The following SLC5A10 variants were observed in gnomAD, a reference collection of about 807,000 sequenced individuals.
SLC5A10 encodes sodium/mannose cotransporter SLC5A10.
SLC5A10 carries 55 observed loss-of-function variants against 68.9 expected under a neutral mutation model. That is an observed-to-expected ratio of 0.80 (90% confidence interval 0.64 to 1.00). SLC5A10 has a LOEUF of 1.00. Ranked by LOEUF, SLC5A10 falls within the 50% of genes least tolerant of loss-of-function variation. The probability of loss-of-function intolerance (pLI) is 0.00; values close to 1 mark genes in which losing one functional copy is unlikely to be tolerated. For missense variants in SLC5A10, 732 were observed against 819.3 expected (o/e 0.89, Z 1.30); for synonymous variants, 344 against 344.8 (o/e 1.00, Z 0.02).
Position 18,959,168 on chromosome 17 carries a change from T to C in SLC5A10, c.217T>C (p.Ser73Pro), listed in dbSNP as rs1311499404. Residue 73 changes from serine to proline, a missense_variant, in exon 3 of 15, where the codon TCT becomes CCT. Coordinates refer to ENST00000395645, the MANE Select transcript of SLC5A10 (RefSeq NM_001042450.4). ...GASLFASSEGSGLFIGLAGSG... is the reference protein window; with the variant it reads ...GASLFASSEGPGLFIGLAGSG... ...CTCCCTCTTCGCCAGCAGCGAGGGC[T>C]CTGGCCTCTTCATTGGACTGGCGGG... 1 of 1,613,886 alleles carries C rather than the reference T, an allele frequency of 6.2e-7. No homozygotes were observed. The highest frequency in any genetic ancestry group is 2.2e-5 in the East Asian group (1 of 44,880).
intron 5 of SLC5A10, among the ~76,000 whole-genome samples, chr17:18,964,030 C>CTCTGCCTGGAACCT (rs1434900167): frequency 3.3e-5 from 5 of 152,218 alleles, no homozygotes; most frequent in African/African-American, 7.2e-5. Context: ...TTGCTGTGGC[C>CTCTGCCTGGAACCT]TCTGCCTGGA....
upstream of SLC5A10, chr17:18,951,924 C>T (rs2042374736): frequency 4.6e-6 from 2 of 430,822 alleles, no homozygotes; most frequent in Non-Finnish European, 8.3e-6. Context: ...TTCATTTTCC[C>T]CAAGCCCCCT....
intron 9 of SLC5A10, among the ~76,000 whole-genome samples, chr17:18,988,825 C>A (rs752994877): frequency 3.3e-5 from 5 of 152,236 alleles, no homozygotes; most frequent in Non-Finnish European, 5.9e-5. Flanking sequence ...CAGATCTCTT[C>A]CTGTCAGCTG....
intron 9 of SLC5A10, chr17:18,988,334 C>T: frequency 6.2e-7 from 1 of 1,614,218 alleles, no homozygotes; most frequent in Non-Finnish European, 8.5e-7. Context: ...TGTACACGGC[C>T]ACTTTCCTCT....
At chr17:18,980,636 T>C (rs955476645) in intron 9 of SLC5A10, among the ~76,000 whole-genome samples, 2 of 151,872 alleles carry the variant, frequency 1.3e-5, no homozygotes, top group African/African-American at 4.8e-5. Flanking sequence ...GAGGAGCAGA[T>C]GGTAAAGGCT....
At chr17:18,973,884 GTTTTTTTTTTTTT>G (rs35778801) in intron 8 of SLC5A10, among the ~76,000 whole-genome samples, 1 of 95,740 alleles carries the variant, frequency 1.0e-5, no homozygotes, top group Non-Finnish European at 2.0e-5. Context: ...TTTTTTTTAA[GTTTTTTTTTTTTT>G]TTTTTTTTTC....
Position 19,004,115 on chromosome 17 carries a change from G to A in SLC5A10, c.983-9295G>A. 6 of 1,441,230 alleles carry A rather than the reference G, an allele frequency of 4.2e-6. No individual in the cohort carries two copies. The highest frequency in any genetic ancestry group is 5.6e-6 in the Non-Finnish European group (6 of 1,071,352). The allele number at this position is 1,441,230 out of a possible 1,614,324, so 89.3% of individuals were successfully genotyped here. ...AGCTCCTAGCTCCGGCCCAGCTGGG[G>A]CACCGCGCGCTCGGGGGCCTCTCCG... is the stretch of plus-strand genomic sequence containing the variant. On this transcript the variant is annotated intron_variant, in intron 9 of 14. Transcript: ENST00000395645. This position sits in a 1 kb window ranked among gnomAD's most constrained non-coding sequence, Gnocchi z 5.4.
chr17:18,988,081 T>A (rs551995022), intron 9 of SLC5A10, among the ~76,000 whole-genome samples: 12 of 152,356 alleles, frequency 7.9e-5, no homozygotes, highest in African/African-American at 2.9e-4. Context: ...CCTCAGGGAA[T>A]TCAAGCAGTG....
Position 19,020,418 on chromosome 17 carries a change from C to A in SLC5A10, c.1778C>A (p.Ala593Asp), listed in dbSNP as rs760427665. 6.2e-7 allele frequency: 1 copy of A among 1,613,732 alleles called. No individual in the cohort carries two copies. The highest frequency in any genetic ancestry group is 1.7e-5 in the Admixed American group (1 of 60,014). Residue 593 changes from alanine (A) to aspartate (D), a missense_variant, in exon 15 of 15, where the codon GCC becomes GAC. By Grantham distance (126) the Ala-to-Asp change is moderately radical. Transcript: ENST00000395645. ...LLMCVNIFFY[A>D]YFA ...ATGTGTGTCAACATATTCTTTTATG[C>A]CTACTTCGCCTGACACTGCCATCCT...
In SLC5A10 at chr17:18,959,219, G is replaced by A. The variant is rs868185880; in HGVS notation, c.268G>A (p.Val90Met). 53 of 1,613,118 alleles carry A rather than the reference G, an allele frequency of 3.3e-5. No individual in the cohort carries two copies. Among genetic ancestry groups the A allele is most frequent in the Admixed American group, 6.7e-5 (4 of 60,008 alleles). The change falls in exon 3 of 15, where the codon GTG (valine) becomes ATG (methionine). Residue 90 changes from valine (V) to methionine (M), a missense_variant. Transcript: ENST00000395645. ...AGSGAAGGLA[V>M]AGFEWNATYV... ...CTCAGGCGCGGCAGGAGGTCTGGCC[G>A]TGGCAGGCTTCGAGTGGAATGTGAG...
At chr17:18,972,602 C>T (rs945542408) in intron 8 of SLC5A10, among the ~76,000 whole-genome samples, 3 of 152,200 alleles carry the variant, frequency 2.0e-5, no homozygotes, top group Non-Finnish European at 2.9e-5. Flanking sequence ...GTGGCTCAAG[C>T]CTGTAATCCC....
chr17:18,966,107 G>C (rs2042703926), intron 5 of SLC5A10, among the ~76,000 whole-genome samples: 2 of 152,204 alleles, frequency 1.3e-5, no homozygotes, highest in Admixed American at 1.3e-4. Flanking sequence ...GCACTGGCAG[G>C]GTTTCTGGGT....
chr17:19,019,599 T>A lies in SLC5A10; in HGVS notation c.1410+8T>A. The A allele has an allele frequency of 6.2e-7, 1 of 1,610,290 alleles. No homozygotes were observed. Among genetic ancestry groups the A allele is most frequent in the Non-Finnish European group, 8.5e-7 (1 of 1,179,628 alleles). ...CGACGTGCCAACGAGCAGGTGGGCGTCGGCGGTCTGCTCTCCCTGGGGACG... is the reference window on the plus strand; with the variant it reads ...CGACGTGCCAACGAGCAGGTGGGCGACGGCGGTCTGCTCTCCCTGGGGACG... On this transcript the variant is annotated splice_region_variant and intron_variant, in intron 12 of 14. Transcript: ENST00000395645.
In SLC5A10 at chr17:18,959,259, C is replaced by T. The variant is rs1411287506; in HGVS notation, c.288+20C>T. On this transcript the variant is annotated intron_variant, in intron 3 of 14. Coordinates refer to ENST00000395645, the MANE Select transcript of SLC5A10 (RefSeq NM_001042450.4). Reference sequence around the variant, plus strand: ...TGGAATGTGAGTCCTGGAGGACTGGCGGCCTGTGGGAGGGCCAGGGCACAG... The same window carrying T: ...TGGAATGTGAGTCCTGGAGGACTGGTGGCCTGTGGGAGGGCCAGGGCACAG... 1.9e-6 allele frequency: 3 copies of T among 1,610,172 alleles called. No individual in the cohort carries two copies. Among genetic ancestry groups the T allele is most frequent in the Admixed American group, 1.7e-5 (1 of 59,962 alleles).
chr17:18,964,205 C>T (rs986140584), intron 5 of SLC5A10, among the ~76,000 whole-genome samples: 8 of 152,164 alleles, frequency 5.3e-5, no homozygotes, highest in Admixed American at 2.0e-4. Flanking sequence ...GCTCACTGGC[C>T]GCATCCCCAG....
At chr17:19,014,697 G>C (rs989170154) in intron 10 of SLC5A10, among the ~76,000 whole-genome samples, 1 of 152,142 alleles carries the variant, frequency 6.6e-6, no homozygotes, top group African/African-American at 2.4e-5. Context: ...TGCTTTCCTC[G>C]GACGAAGGCA....
intron 9 of SLC5A10, chr17:18,979,244 G>A (rs1446236572): frequency 2.1e-6 from 1 of 479,236 alleles, no homozygotes; most frequent in African/African-American, 1.9e-5. Context: ...GGTGCCCACA[G>A]AGCTGGCCCC....
intron 8 of SLC5A10, among the ~76,000 whole-genome samples, chr17:18,973,065 C>T (rs1244857108): frequency 1.3e-5 from 2 of 152,302 alleles, no homozygotes; most frequent in South Asian, 2.1e-4. Context: ...TCACAGCAGG[C>T]GTCTGCCCAG....
intron 9 of SLC5A10, among the ~76,000 whole-genome samples, chr17:18,990,368 TG>T (rs1250166711): frequency 2.0e-5 from 3 of 152,160 alleles, no homozygotes; most frequent in Non-Finnish European, 2.9e-5. Flanking sequence ...CCTCCCTGCC[TG>T]GGATCTCCCA....
Sources: allele counts gnomAD v4.1 joint callset (sites outside exome capture counted in the v4.1 genomes callset), GRCh38; gene constraint gnomAD v4.1.1; non-coding constraint Gnocchi (gnomAD v3.1); transcripts MANE v1.5; gene names NCBI Gene and HGNC (gene_info 2026-07-23, HGNC 2026-07-21).